The following ASB17 variants were observed in gnomAD, a reference collection of about 807,000 sequenced individuals.
ASB17 encodes the protein ankyrin repeat and SOCS box containing 17.
ASB17 carries 26 observed loss-of-function variants against 25.7 expected under a neutral mutation model. That is an observed-to-expected ratio of 1.01 (90% CI 0.74 to 1.40). The LOEUF (loss-of-function observed/expected upper bound fraction) is 1.40. ASB17 is among the 40% of genes most tolerant of loss of function. ASB17 has a pLI of 0.00. For synonymous variants in ASB17, 128 were observed against 121.4 expected (o/e 1.05, Z -0.36); for missense variants, 326 against 338.5 (o/e 0.96, Z 0.29).
At chr1:75,931,802 T>C in intron 1 of ASB17, 89 bp downstream of exon 1, 1 of 1,213,508 alleles carries the variant, frequency 8.2e-7, no homozygotes, top group South Asian at 1.7e-5. Context: ...ATATAGCCAC[T>C]ATACATGTGA....
chr1:75,926,608 T>G (rs1317752703), intron 1 of ASB17, among the ~76,000 whole-genome samples: 1 of 151,924 alleles, frequency 6.6e-6, no homozygotes, highest in Non-Finnish European at 1.5e-5. Context: ...CCATTGGAGG[T>G]TTTGAGTAGA....
At chr1:75,931,285 TA>T (rs1364632635) in intron 1 of ASB17, among the ~76,000 whole-genome samples, 1 of 152,204 alleles carries the variant, frequency 6.6e-6, no homozygotes, top group Non-Finnish European at 1.5e-5. Context: ...TTATGGACTC[TA>T]AAAAGAGGAT....
chr1:75,922,241 T>G lies in ASB17; in HGVS notation c.520A>C (p.Arg174=). The part of the protein sequence containing the change: ...KILLQYGILE[R]EKNPINIVLT... The stretch of plus-strand genomic sequence containing the variant: ...ACAATGTTGATAGGGTTTTTTTCTC[T>G]TTCTAAGATTCCATATTGCAGTAGT... Residue 174 remains arginine (R), a synonymous_variant, in exon 2 of 3, where the codon AGA becomes CGA. Transcript: ENST00000284142. 6.2e-7 allele frequency: 1 copy of G among 1,613,654 alleles called. No individual in the cohort carries two copies. Among genetic ancestry groups the G allele is most frequent in the South Asian group, 1.1e-5 (1 of 91,066 alleles).
At position 75,932,004 on chromosome 1, in the gene ASB17, T is replaced by A; in HGVS notation, c.288A>T (p.Thr96=). 1.9e-6 allele frequency: 3 copies of A among 1,614,108 alleles called. No individual in the cohort carries two copies. The highest frequency in any genetic ancestry group is 2.5e-6 in the Non-Finnish European group (3 of 1,179,994). The part of the protein sequence containing the change: ...NLDFTEICVN[T]ILYWVFARKG... ...TTCTGGCAAAAACCCAGTACAGAAT[T>A]GTATTCACACATATTTCAGTGAAGT... is the stretch of plus-strand genomic sequence containing the variant. The change falls in exon 1 of 3, where the codon ACA becomes ACT. Residue 96 remains threonine, a synonymous_variant. Transcript: ENST00000284142.
At chr1:75,930,290 CAT>C (rs538139759) in intron 1 of ASB17, among the ~76,000 whole-genome samples, 30 of 144,824 alleles carry the variant, frequency 2.1e-4, no homozygotes, top group African/African-American at 4.5e-4. Flanking sequence ...ATATATAAAA[CAT>C]ATATAACTAT....
intron 1 of ASB17, among the ~76,000 whole-genome samples, chr1:75,927,249 C>T (rs556374296): frequency 7.0e-6 from 1 of 142,752 alleles, no homozygotes; most frequent in South Asian, 2.2e-4. Context: ...AACTCCAGAA[C>T]TATAAGAACT....
chr1:75,923,782 T>C (rs1444164550), intron 1 of ASB17, among the ~76,000 whole-genome samples: 1 of 152,198 alleles, frequency 6.6e-6, no homozygotes, highest in African/African-American at 2.4e-5. Flanking sequence ...TTTAGCTCTT[T>C]GAATTGGCTG....
chr1:75,927,396 C>T (rs1171864687), intron 1 of ASB17, among the ~76,000 whole-genome samples: 2 of 152,122 alleles, frequency 1.3e-5, no homozygotes, highest in Admixed American at 6.6e-5. Flanking sequence ...CTTAGATCCT[C>T]CAATTCTGAT....
intron 1 of ASB17, among the ~76,000 whole-genome samples, chr1:75,927,177 C>T (rs1689271): frequency 0.61 from 92,820 of 151,866 alleles, 28,594 homozygotes; most frequent in East Asian, 0.73. Context: ...CTAGAGCCTC[C>T]GTAAGGCACT....
At chr1:75,930,290 CATATATAACT>C (rs1653289430) in intron 1 of ASB17, among the ~76,000 whole-genome samples, 1 of 144,832 alleles carries the variant, frequency 6.9e-6, no homozygotes, top group Non-Finnish European at 1.5e-5. Flanking sequence ...ATATATAAAA[CATATATAACT>C]ATATATAACA....
At chr1:75,923,509 C>A (rs1418962478) in intron 1 of ASB17, among the ~76,000 whole-genome samples, 1 of 151,990 alleles carries the variant, frequency 6.6e-6, no homozygotes, top group Non-Finnish European at 1.5e-5. Context: ...TATTAGCAAG[C>A]CATAATTTTG....
chr1:75,929,447 C>CT (rs1207753657), intron 1 of ASB17, among the ~76,000 whole-genome samples: 1 of 151,646 alleles, frequency 6.6e-6, no homozygotes, highest in Non-Finnish European at 1.5e-5. Flanking sequence ...TCTCGATCTC[C>CT]TGACCTCGTG....
intron 2 of ASB17, among the ~76,000 whole-genome samples, chr1:75,919,836 G>T (rs1404091413): frequency 6.6e-6 from 1 of 152,120 alleles, no homozygotes; most frequent in African/African-American, 2.4e-5. Context: ...GAATAGTGCT[G>T]CAATAAACAT....
Position 75,922,283 on chromosome 1 carries a change from A to G in ASB17, c.478T>C (p.Ser160Pro), listed in dbSNP as rs1285222365. Residue 160 changes from serine (S) to proline (P), a missense_variant, in exon 2 of 3, where the codon TCT becomes CCT. By Grantham distance (74) the Ser-to-Pro change is moderately conservative. Coordinates refer to ENST00000284142, the MANE Select transcript of ASB17 (RefSeq NM_080868.3). ...TGCAGTAGTATTTTGAAGATATTAG[A>G]CTGTCTTGTCTGAGCTACATAAAAG... ...PLFYVAQTRQ[S>P]NIFKILLQYG... 2.6e-5 allele frequency: 42 copies of G among 1,613,156 alleles called. No homozygotes were observed. The highest frequency in any genetic ancestry group is 3.6e-5 in the Non-Finnish European group (42 of 1,179,484).
chr1:75,927,530 G>A (rs1174599104), intron 1 of ASB17, among the ~76,000 whole-genome samples: 6 of 152,160 alleles, frequency 3.9e-5, no homozygotes, highest in Non-Finnish European at 8.8e-5. Context: ...CAGAGGTTGG[G>A]AGGGATGTTG....
intron 2 of ASB17, among the ~76,000 whole-genome samples, chr1:75,921,456 C>A (rs1653025593): frequency 6.6e-6 from 1 of 152,128 alleles, no homozygotes; most frequent in Admixed American, 6.6e-5. Context: ...TTCTTTCTTG[C>A]TACTAATGGG....
In ASB17 at chr1:75,932,076, T is replaced by C; in HGVS notation, c.216A>G (p.Ala72=). The C allele has an allele frequency of 8.7e-6, 14 of 1,614,076 alleles. No homozygotes were observed. The highest frequency in any genetic ancestry group is 1.2e-5 in the Non-Finnish European group (14 of 1,180,002). Residue 72 remains alanine (A), a synonymous_variant, in exon 1 of 3, where the codon GCA becomes GCG. Coordinates refer to ENST00000284142, the MANE Select transcript of ASB17 (RefSeq NM_080868.3). ...GFDALLTDYI[A]FVEKSGYRFE... The stretch of plus-strand genomic sequence containing the variant: ...AACGGTATCCTGATTTTTCCACAAA[T>C]GCAATGTAATCTGTGAGTAGTGCGT...
chr1:75,922,055 AT>A (rs767685332), intron 2 of ASB17, 24 bp downstream of exon 2: 43 of 1,560,868 alleles, frequency 2.8e-5, no homozygotes, highest in African/African-American at 1.2e-4. Flanking sequence ...ATTTGAGCCC[AT>A]TTTTTTTAAA....
Position 75,922,238 on chromosome 1 carries a change from C to T in ASB17, c.523G>A (p.Glu175Lys). The stretch of plus-strand genomic sequence containing the variant: ...AAGACAATGTTGATAGGGTTTTTTT[C>T]TCTTTCTAAGATTCCATATTGCAGT... ...ILLQYGILER[E>K]KNPINIVLTI... is the part of the protein sequence containing the mutation. Residue 175 changes from glutamate to lysine, a missense_variant, in exon 2 of 3, where the codon GAA becomes AAA. By Grantham distance (56) the Glu-to-Lys change is moderately conservative. Transcript: ENST00000284142. The T allele has an allele frequency of 6.2e-7, 1 of 1,613,512 alleles. No homozygotes were observed. The highest frequency in any genetic ancestry group is 1.1e-5 in the South Asian group (1 of 91,064).
Sources: gnomAD v4.1 joint callset for allele counts (sites outside exome capture counted in the v4.1 genomes callset) on GRCh38, gnomAD v4.1.1 for gene constraint, MANE v1.5 for transcripts, NCBI Gene and HGNC (gene_info 2026-07-23, HGNC 2026-07-21) for gene names.